Variants in ABCC5 observed in about 807,000 individuals in gnomAD.
The protein encoded by ABCC5 is ATP-binding cassette sub-family C member 5.
A neutral mutation model predicts 160.9 loss-of-function variants in ABCC5; 61 were observed. The observed-to-expected ratio is 0.38, with a 90% CI of 0.31 to 0.47. ABCC5 has a LOEUF of 0.47. Ranked by LOEUF, ABCC5 falls within the 20% of genes least tolerant of loss-of-function variation. ABCC5 has a pLI of 0.99. For missense variants in ABCC5, 1,308 were observed against 1,813.3 expected (o/e 0.72, Z 5.06); for synonymous variants, 666 against 700.6 (o/e 0.95, Z 0.78).
chr3:183,969,497 G>A (rs1717537384), intron 11 of ABCC5, among the ~76,000 whole-genome samples: 1 of 152,118 alleles, frequency 6.6e-6, no homozygotes, highest in Admixed American at 6.5e-5. Flanking sequence ...TTCGAGACCA[G>A]CCTGGCCAAC....
At chr3:183,922,709 A>G (rs1024539981) in intron 29 of ABCC5, among the ~76,000 whole-genome samples, 5 of 152,238 alleles carry the variant, frequency 3.3e-5, no homozygotes, top group African/African-American at 7.2e-5. Context: ...CGCCCCCGCC[A>G]CAGGGCAAAG....
chr3:183,921,297 G>A lies in ABCC5; in HGVS notation c.*3C>T. The A allele has an allele frequency of 6.7e-7, 1 of 1,498,132 alleles. No individual in the cohort carries two copies. The highest frequency in any genetic ancestry group is 9.3e-7 in the Non-Finnish European group (1 of 1,078,036). 92.8% of individuals were successfully genotyped at this position (1,498,132 alleles called of 1,614,324 possible). A position where few individuals can be genotyped will look rare whatever the true frequency, so the allele number is the denominator to read the frequency against. On this transcript the variant is annotated 3_prime_UTR_variant, in exon 30 of 30. Transcript: ENST00000334444. This position sits in a 1 kb window ranked among gnomAD's most constrained non-coding sequence, Gnocchi z 4.1. ...GAAAAGAGACTTCGTCAACAGGGAGGAGTCAGCCCTTGACAGCGACCTTGT... is the reference window on the plus strand; with the variant it reads ...GAAAAGAGACTTCGTCAACAGGGAGAAGTCAGCCCTTGACAGCGACCTTGT...
chr3:183,960,126 G>C (rs565999170), intron 16 of ABCC5, among the ~76,000 whole-genome samples: 1 of 152,256 alleles, frequency 6.6e-6, no homozygotes, highest in East Asian at 1.9e-4. Flanking sequence ...TAGGCATGGG[G>C]TCATTTCCAT....
intron 25 of ABCC5, among the ~76,000 whole-genome samples, chr3:183,940,462 GAAAAAAAA>G (rs537025178): frequency 9.3e-5 from 6 of 64,616 alleles, no homozygotes; most frequent in Non-Finnish European, 1.2e-4. Flanking sequence ...TCTGTCTCAG[GAAAAAAAA>G]AAAAAAAAAA....
At chr3:183,943,391 T>C (rs1184611709) in intron 24 of ABCC5, among the ~76,000 whole-genome samples, 1 of 152,218 alleles carries the variant, frequency 6.6e-6, no homozygotes, top group Non-Finnish European at 1.5e-5. Context: ...TCTTGGTCAA[T>C]CCAGGAGACA....
At chr3:183,939,488 A>T (rs1444963223) in intron 25 of ABCC5, among the ~76,000 whole-genome samples, 4 of 152,204 alleles carry the variant, frequency 2.6e-5, no homozygotes, top group Non-Finnish European at 1.5e-5. Context: ...TTTTAAAAAA[A>T]TTTTCAAGAT....
At chr3:183,980,465 T>C (rs1560028431) in intron 8 of ABCC5, among the ~76,000 whole-genome samples, 1 of 152,200 alleles carries the variant, frequency 6.6e-6, no homozygotes, top group Non-Finnish European at 1.5e-5. Context: ...GTGGCAGCCA[T>C]CCTGCCATCA....
At chr3:184,008,059 G>T (rs1259370593) in intron 2 of ABCC5, among the ~76,000 whole-genome samples, 1 of 152,100 alleles carries the variant, frequency 6.6e-6, no homozygotes, top group Admixed American at 6.6e-5. Context: ...TGAGAGAGAA[G>T]CACTTTCTCC....
At position 183,971,578 on chromosome 3, in the gene ABCC5, A is replaced by G. The variant is rs2108835905; in HGVS notation, c.1746T>C (p.Asp582=). Residue 582 remains aspartate (D), a synonymous_variant, in exon 11 of 30, where the codon GAT becomes GAC. Transcript: ENST00000334444. The part of the protein sequence containing the change: ...LRLQRTLHSI[D]LEIQEGKLVG... ...GACCACTTACCTCTTGGATCTCCAG[A>G]TCGATGCTGTGCAGTGTCCTCTGTA... is the stretch of plus-strand genomic sequence containing the variant. The G allele has an allele frequency of 6.2e-7, 1 of 1,613,562 alleles. No homozygotes were observed. Among genetic ancestry groups the G allele is most frequent in the Non-Finnish European group, 8.5e-7 (1 of 1,179,854 alleles).
At chr3:183,922,701 C>G (rs1010658328) in intron 29 of ABCC5, among the ~76,000 whole-genome samples, 1 of 152,252 alleles carries the variant, frequency 6.6e-6, no homozygotes, top group African/African-American at 2.4e-5. Context: ...TTCTCAGCCG[C>G]CCCCGCCACA....
chr3:183,998,119 T>A lies in ABCC5; in HGVS notation c.130-8736A>T, dbSNP rs149789401. On this transcript the variant is annotated intron_variant, in intron 2 of 29. Transcript: ENST00000334444. ...TTATTATTAATAGTATAATATACAATTATAGTTTTATTTTTCTCCTTCTAG... is the reference window on the plus strand; with the variant it reads ...TTATTATTAATAGTATAATATACAAATATAGTTTTATTTTTCTCCTTCTAG... 7.2e-3 allele frequency among the ~76,000 whole-genome samples: 1,091 copies of A among 152,186 alleles called. 17 individuals carry two copies. Among genetic ancestry groups the A allele is most frequent in the African/African-American group, 0.024 (1,007 of 41,534 alleles).
At chr3:183,962,057 C>T (rs1716796314) in intron 15 of ABCC5, among the ~76,000 whole-genome samples, 1 of 152,104 alleles carries the variant, frequency 6.6e-6, no homozygotes, top group South Asian at 2.1e-4. Flanking sequence ...CAGCTGGAGA[C>T]ATTTTTGGTT....
intron 10 of ABCC5, among the ~76,000 whole-genome samples, chr3:183,975,482 C>T (rs1191529122): frequency 6.6e-6 from 1 of 151,982 alleles, no homozygotes; most frequent in Non-Finnish European, 1.5e-5. Flanking sequence ...GCTGGGACTA[C>T]AGGCACACAC....
intron 2 of ABCC5, among the ~76,000 whole-genome samples, chr3:184,005,268 CAT>C (rs758230739): frequency 6.6e-6 from 1 of 152,172 alleles, no homozygotes; most frequent in Non-Finnish European, 1.5e-5. Flanking sequence ...TTAAAGTACA[CAT>C]GTCAGTCTTG....
chr3:183,970,643 G>T (rs1717654743), intron 11 of ABCC5, among the ~76,000 whole-genome samples: 1 of 152,028 alleles, frequency 6.6e-6, no homozygotes, highest in Non-Finnish European at 1.5e-5. Flanking sequence ...CAACATATTG[G>T]CCAGGCTGGT....
intron 24 of ABCC5, among the ~76,000 whole-genome samples, 168 bp downstream of exon 24, chr3:183,945,682 G>A (rs1333882283): frequency 1.3e-5 from 2 of 152,106 alleles, no homozygotes; most frequent in African/African-American, 4.8e-5. Context: ...AAACTCTTAC[G>A]GTAATCTCTT....
At chr3:183,959,672 A>G in intron 17 of ABCC5, 61 bp downstream of exon 17, 2 of 1,241,280 alleles carry the variant, frequency 1.6e-6, no homozygotes, top group Non-Finnish European at 2.3e-6. Context: ...ATTACTTACT[A>G]CACAAGTTAT....
At chr3:183,954,146 T>TTG (rs1013482703) in intron 17 of ABCC5, among the ~76,000 whole-genome samples, 3 of 135,272 alleles carry the variant, frequency 2.2e-5, no homozygotes, top group Non-Finnish European at 4.8e-5. Flanking sequence ...GTCTCATGTT[T>TTG]TGTGTGTGTG....
chr3:183,950,488 T>A (rs1715244935), intron 20 of ABCC5, among the ~76,000 whole-genome samples: 1 of 152,324 alleles, frequency 6.6e-6, no homozygotes, highest in Admixed American at 6.5e-5. Context: ...ATTTAAGACA[T>A]TTTTTGTCTT....
Sources: gnomAD v4.1 joint callset for allele counts (sites outside exome capture counted in the v4.1 genomes callset) on GRCh38, gnomAD v4.1.1 for gene constraint, Gnocchi (gnomAD v3.1) non-coding constraint, MANE v1.5 for transcripts, NCBI Gene and HGNC (gene_info 2026-07-23, HGNC 2026-07-21) for gene names.